GABRB1: variants seen among roughly 807,000 people sequenced by gnomAD.
GABRB1 encodes gamma-aminobutyric acid type A receptor subunit beta1.
In GABRB1, 17 loss-of-function variants were observed where a neutral mutation model predicts 51.6. The observed-to-expected ratio is 0.33, with a 90% CI of 0.23 to 0.49. The LOEUF is 0.49. Among genes scored for constraint, GABRB1 ranks in the 20% least tolerant of loss-of-function variants. The pLI is 0.99. For missense variants in GABRB1, 410 were observed against 600.6 expected (o/e 0.68, Z 3.32); for synonymous variants, 247 against 218.9 (o/e 1.13, Z -1.14).
intron 4 of GABRB1, among the ~76,000 whole-genome samples, chr4:47,285,969 T>G (rs1723496911): frequency 6.6e-6 from 1 of 152,222 alleles, no homozygotes; most frequent in African/African-American, 2.4e-5. Context: ...GCAATACATA[T>G]GATTTAAATA....
intron 3 of GABRB1, among the ~76,000 whole-genome samples, chr4:47,092,974 A>G (rs1417383330): frequency 1.3e-5 from 2 of 152,232 alleles, no homozygotes; most frequent in Non-Finnish European, 2.9e-5. Context: ...GTTATTTCAA[A>G]TAATGATTAA....
Position 47,032,492 on chromosome 4 carries a change from G to T in GABRB1, c.240+8G>T, listed in dbSNP as rs776324195. ...GTCTCCGAAGTGAATATGGTGAGTGGCCTCCCGAGGGGCCCGGCGGTTCGG... is the reference window on the plus strand; with the variant it reads ...GTCTCCGAAGTGAATATGGTGAGTGTCCTCCCGAGGGGCCCGGCGGTTCGG... On this transcript the variant is annotated splice_region_variant and intron_variant, in intron 3 of 8. Transcript: ENST00000295454. The T allele has an allele frequency of 2.5e-6, 4 of 1,613,556 alleles. 1 individual carries two copies. In the South Asian group the frequency reaches 4.4e-5, roughly 18 times the overall value.
Position 47,425,779 on chromosome 4 carries a change from T to G in GABRB1, c.1186T>G (p.Ser396Ala). The change falls in exon 9 of 9, where the codon TCC (serine) becomes GCC (alanine). Residue 396 changes from serine to alanine, a missense_variant. Ser to Ala is a moderately conservative substitution (Grantham distance 99). This residue lies in a region of GABRB1 where 181 missense variants were observed against 195.6 expected (regional missense o/e 0.93). Coordinates refer to ENST00000295454, the MANE Select transcript of GABRB1 (RefSeq NM_000812.4). The stretch of plus-strand genomic sequence containing the variant: ...GAGCGACCCCAAGGCCACCATGTAC[T>G]CCTATGACAGCGCCAGCATCCAGTA... ...SVSDPKATMY[S>A]YDSASIQYRK... 6.2e-7 allele frequency: 1 copy of G among 1,614,108 alleles called. No individual in the cohort carries two copies. Among genetic ancestry groups the G allele is most frequent in the Non-Finnish European group, 8.5e-7 (1 of 1,180,012 alleles).
intron 5 of GABRB1, among the ~76,000 whole-genome samples, chr4:47,328,843 ACCAAC>A (rs1179692400): frequency 1.8e-4 from 27 of 151,966 alleles, no homozygotes; most frequent in Non-Finnish European, 2.4e-4. Flanking sequence ...GGTGCAGCAC[ACCAAC>A]ATGGCACATG....
intron 4 of GABRB1, among the ~76,000 whole-genome samples, chr4:47,256,414 G>A (rs1352996456): frequency 1.3e-5 from 2 of 152,178 alleles, no homozygotes; most frequent in Non-Finnish European, 2.9e-5. Context: ...CCCCATGTGT[G>A]TAAGAATAAT....
intron 3 of GABRB1, among the ~76,000 whole-genome samples, chr4:47,079,356 A>G (rs1029970278): frequency 3.3e-5 from 5 of 152,126 alleles, no homozygotes; most frequent in African/African-American, 1.2e-4. Context: ...TGTATGTGTC[A>G]AGGAATTTCT....
intron 4 of GABRB1, among the ~76,000 whole-genome samples, chr4:47,220,700 T>C (rs771107885): frequency 1.3e-5 from 2 of 152,036 alleles, no homozygotes; most frequent in Non-Finnish European, 2.9e-5. Context: ...TGCACACTTC[T>C]ATCTCTCACT....
chr4:47,325,506 C>G (rs1725229564), intron 5 of GABRB1, among the ~76,000 whole-genome samples: 1 of 152,078 alleles, frequency 6.6e-6, no homozygotes, highest in Non-Finnish European at 1.5e-5. Context: ...GATCTTCAAG[C>G]TCTTGTGTGA....
At chr4:47,402,952 G>C (rs1171802543) in intron 5 of GABRB1, among the ~76,000 whole-genome samples, 1 of 152,042 alleles carries the variant, frequency 6.6e-6, no homozygotes, top group Non-Finnish European at 1.5e-5. Context: ...TACTTGTTGT[G>C]CTATTGTTGT....
At chr4:47,217,286 C>T (rs1720591945) in intron 4 of GABRB1, among the ~76,000 whole-genome samples, 1 of 151,710 alleles carries the variant, frequency 6.6e-6, no homozygotes, top group South Asian at 2.1e-4. Context: ...TGACTACATG[C>T]TTGTTATATT....
At chr4:47,332,343 A>C (rs1163762361) in intron 5 of GABRB1, among the ~76,000 whole-genome samples, 1 of 152,202 alleles carries the variant, frequency 6.6e-6, no homozygotes, top group Admixed American at 6.5e-5. Context: ...ATCCATAATT[A>C]TAGTGCAACA....
intron 5 of GABRB1, among the ~76,000 whole-genome samples, chr4:47,377,299 G>A (rs548633453): frequency 6.6e-6 from 1 of 152,194 alleles, no homozygotes; most frequent in Non-Finnish European, 1.5e-5. Context: ...GGAATTGGTG[G>A]GTTCTTGGTC....
chr4:47,356,234 T>C (rs1213685950), intron 5 of GABRB1, among the ~76,000 whole-genome samples: 1 of 151,874 alleles, frequency 6.6e-6, no homozygotes, highest in African/African-American at 2.4e-5. Context: ...CAGTGCTTCA[T>C]ACAAAGCAGA....
intron 8 of GABRB1, among the ~76,000 whole-genome samples, chr4:47,417,082 T>C (rs1190708327): frequency 6.6e-6 from 1 of 152,150 alleles, no homozygotes; most frequent in Non-Finnish European, 1.5e-5. Flanking sequence ...ACCTGAGTAC[T>C]GTTCTGGAAA....
intron 3 of GABRB1, among the ~76,000 whole-genome samples, chr4:47,044,126 G>T (rs1457599426): frequency 6.6e-6 from 1 of 152,080 alleles, no homozygotes; most frequent in Non-Finnish European, 1.5e-5. Context: ...AAAGCATTTT[G>T]CTTGATCTGA....
At chr4:47,277,560 G>T (rs1723131740) in intron 4 of GABRB1, among the ~76,000 whole-genome samples, 1 of 152,080 alleles carries the variant, frequency 6.6e-6, no homozygotes, top group South Asian at 2.1e-4. Context: ...GAATACCCCA[G>T]TCTCCATGAT....
chr4:47,020,908 G>C (rs1452248417), intron 1 of GABRB1, among the ~76,000 whole-genome samples: 1 of 152,118 alleles, frequency 6.6e-6, no homozygotes, highest in African/African-American at 2.4e-5. Flanking sequence ...CACTCACTCT[G>C]CTCTAGTCAC....
chr4:47,230,526 AAC>A (rs1344645050), intron 4 of GABRB1, among the ~76,000 whole-genome samples: 1 of 152,138 alleles, frequency 6.6e-6, no homozygotes, highest in African/African-American at 2.4e-5. Context: ...TAACTTTGAT[AAC>A]ACAGTTTCAG....
chr4:47,422,771 A>G (rs1387242546), intron 8 of GABRB1, among the ~76,000 whole-genome samples: 1 of 152,062 alleles, frequency 6.6e-6, no homozygotes, highest in Non-Finnish European at 1.5e-5. Flanking sequence ...CACAAATTCA[A>G]CCAAAATAAC....
Sources: gnomAD v4.1 joint callset for allele counts (sites outside exome capture counted in the v4.1 genomes callset) on GRCh38, gnomAD v4.1.1 for gene constraint, gnomAD v4.1.1 regional missense constraint, MANE v1.5 for transcripts, NCBI Gene and HGNC (gene_info 2026-07-23, HGNC 2026-07-21) for gene names.